The following MYO10 variants were observed in gnomAD, a reference collection of about 807,000 sequenced individuals.
The protein encoded by MYO10 is myosin X.
MYO10 carries 133 observed loss-of-function variants against 257.3 expected under a neutral mutation model. The observed-to-expected ratio is 0.52, with a 90% CI of 0.45 to 0.60. The LOEUF is 0.60. Among genes scored for constraint, MYO10 ranks in the 20% least tolerant of loss-of-function variants. The pLI is 0.00. For synonymous variants in MYO10, 1,104 were observed against 1,028.6 expected (o/e 1.07, Z -1.40); for missense variants, 2,399 against 2,635.7 (o/e 0.91, Z 1.97).
rs1031634403 is a variant in MYO10, at chr5:16,685,278, A to G, written c.3990+460T>C. Among the ~76,000 whole-genome samples the G allele has an allele frequency of 2.0e-5, 3 of 152,122 alleles. No individual in the cohort carries two copies. The East Asian group carries it at 5.8e-4, about 29-fold the overall frequency. On this transcript the variant is annotated intron_variant, in intron 29 of 40. Coordinates refer to ENST00000513610, the MANE Select transcript of MYO10 (RefSeq NM_012334.3). ...GCTGCTGGAGTTCAGTGGCGCAATC[A>G]TAGCTCACTGTAGCCTCGAATTCTC... is the stretch of plus-strand genomic sequence containing the variant.
At chr5:16,761,896 T>C in intron 16 of MYO10, 149 bp downstream of exon 16, 1 of 775,406 alleles carries the variant, frequency 1.3e-6, no homozygotes, top group Non-Finnish European at 2.0e-6. Context: ...CAAGTGATCC[T>C]CCTGCCTCAG....
intron 1 of MYO10, among the ~76,000 whole-genome samples, chr5:16,896,256 C>G (rs1745214591): frequency 6.6e-6 from 1 of 151,964 alleles, no homozygotes; most frequent in African/African-American, 2.4e-5. Flanking sequence ...CCCAGGAATT[C>G]AAGACCAGCC....
chr5:16,935,757 G>A (rs1244244571), intron 1 of MYO10, 31 bp downstream of exon 1: 13 of 1,613,132 alleles, frequency 8.1e-6, no homozygotes, highest in Middle Eastern at 1.6e-4. Flanking sequence ...CCTGGGCTCC[G>A]GAGGCCAGGT....
chr5:16,825,601 A>G (rs1270625653), intron 2 of MYO10, among the ~76,000 whole-genome samples: 1 of 152,148 alleles, frequency 6.6e-6, no homozygotes, highest in Admixed American at 6.5e-5. Context: ...AACCCAGCCC[A>G]TCTTGTCCCC....
At chr5:16,916,978 A>C (rs1279471910) in intron 1 of MYO10, among the ~76,000 whole-genome samples, 1 of 152,162 alleles carries the variant, frequency 6.6e-6, no homozygotes, top group Non-Finnish European at 1.5e-5. Flanking sequence ...GAAATATACA[A>C]ATCAGGTCCG....
intron 30 of MYO10, 138 bp from the exon 31 acceptor site, chr5:16,682,151 T>G (rs1483424645): frequency 9.6e-7 from 1 of 1,038,170 alleles, no homozygotes; most frequent in East Asian, 2.5e-5. Flanking sequence ...GTGCTTTTAT[T>G]AAGGCAAACG....
At chr5:16,703,654 G>A (rs970437460) in intron 22 of MYO10, among the ~76,000 whole-genome samples, 3 of 151,962 alleles carry the variant, frequency 2.0e-5, no homozygotes, top group African/African-American at 4.8e-5. Flanking sequence ...CGAGGCAGGC[G>A]GATGGATCAC....
intron 2 of MYO10, among the ~76,000 whole-genome samples, chr5:16,872,608 A>C (rs1744485853): frequency 6.6e-6 from 1 of 152,228 alleles, no homozygotes; most frequent in South Asian, 2.1e-4. Flanking sequence ...TTCAATAAGA[A>C]AGGGAAAGAA....
At position 16,728,795 on chromosome 5, in the gene MYO10, G is replaced by A. The variant is rs540692040; in HGVS notation, c.1930-17550C>T. Among the ~76,000 whole-genome samples, 185 of 152,348 alleles carry A rather than the reference G, an allele frequency of 1.2e-3. 1 individual carries two copies. Among genetic ancestry groups the A allele is most frequent in the Non-Finnish European group, 2.3e-3 (159 of 68,036 alleles). ...GTCCTCGTGGGAAAACCAGAAGAGC[G>A]TGACTCCAAGTGTGGCCTGGGACGG... On this transcript the variant is annotated intron_variant, in intron 19 of 40. Transcript: ENST00000513610.
At chr5:16,818,387 T>TGTGTGTGTGTGC (rs1561000774) in intron 2 of MYO10, among the ~76,000 whole-genome samples, 1 of 30,246 alleles carries the variant, frequency 3.3e-5, no homozygotes, top group Non-Finnish European at 8.5e-5. Context: ...TGTGCGTGTG[T>TGTGTGTGTGTGC]GTGTGTGTGT....
chr5:16,782,355 C>T (rs573061368), intron 5 of MYO10, among the ~76,000 whole-genome samples: 4 of 152,270 alleles, frequency 2.6e-5, no homozygotes, highest in South Asian at 4.1e-4. Context: ...GTTGCAACTA[C>T]TCAGCTCTGC....
At chr5:16,750,415 A>G (rs1278435104) in intron 19 of MYO10, among the ~76,000 whole-genome samples, 1 of 152,174 alleles carries the variant, frequency 6.6e-6, no homozygotes, top group Non-Finnish European at 1.5e-5. Context: ...TTAAAAAAAA[A>G]AAAATTAACA....
intron 21 of MYO10, among the ~76,000 whole-genome samples, chr5:16,707,142 T>A (rs905650479): frequency 3.3e-5 from 5 of 152,204 alleles, no homozygotes; most frequent in African/African-American, 1.2e-4. Context: ...ATGTAGGATG[T>A]GCCTTTACTC....
At chr5:16,793,384 G>T (rs1037575381) in intron 4 of MYO10, among the ~76,000 whole-genome samples, 1 of 152,102 alleles carries the variant, frequency 6.6e-6, no homozygotes, top group Non-Finnish European at 1.5e-5. Flanking sequence ...GAGTGCAGTG[G>T]TGTGATCTCA....
intron 1 of MYO10, chr5:16,902,691 G>A: frequency 1.1e-6 from 1 of 911,348 alleles, no homozygotes; most frequent in Non-Finnish European, 1.8e-6. Context: ...TGTATTTTTA[G>A]TGGAGATGGG....
chr5:16,717,543 A>G (rs577045626), intron 19 of MYO10, among the ~76,000 whole-genome samples: 19 of 152,250 alleles, frequency 1.2e-4, no homozygotes, highest in Non-Finnish European at 2.4e-4. Context: ...AGTTTGCTAC[A>G]TTGTGAGTTC....
At chr5:16,912,213 G>A (rs893003167) in intron 1 of MYO10, among the ~76,000 whole-genome samples, 8 of 152,096 alleles carry the variant, frequency 5.3e-5, no homozygotes, top group Non-Finnish European at 1.0e-4. Flanking sequence ...GCCAAGTTTT[G>A]TTCGGCCCAC....
In MYO10 at chr5:16,714,728, C is replaced by T. The variant is rs141976831; in HGVS notation, c.1930-3483G>A. Among the ~76,000 whole-genome samples, 690 of 152,234 alleles carry T rather than the reference C, an allele frequency of 4.5e-3. 1 individual carries two copies. The highest frequency in any genetic ancestry group is 0.027 in the East Asian group (138 of 5,178). On this transcript the variant is annotated intron_variant, in intron 19 of 40. Coordinates refer to ENST00000513610, the MANE Select transcript of MYO10 (RefSeq NM_012334.3). Reference sequence around the variant, plus strand: ...GTCCCAGCTACTCAGGAGGCTGAGACGGGAGAATGGCGTCAACCCAGGAGG... The same window carrying T: ...GTCCCAGCTACTCAGGAGGCTGAGATGGGAGAATGGCGTCAACCCAGGAGG...
At chr5:16,730,899 T>C (rs1739555749) in intron 19 of MYO10, among the ~76,000 whole-genome samples, 1 of 152,068 alleles carries the variant, frequency 6.6e-6, no homozygotes, top group African/African-American at 2.4e-5. Context: ...AGTCCTTTGA[T>C]GAATTACAAG....
Sources: gnomAD v4.1 joint callset for allele counts (sites outside exome capture counted in the v4.1 genomes callset) on GRCh38, gnomAD v4.1.1 for gene constraint, MANE v1.5 for transcripts, NCBI Gene and HGNC (gene_info 2026-07-23, HGNC 2026-07-21) for gene names.